The following PRDM10 variants were observed in gnomAD, a reference collection of about 807,000 sequenced individuals.
PRDM10 encodes the protein PR domain zinc finger protein 10.
A neutral mutation model predicts 133.1 loss-of-function variants in PRDM10; 65 were observed. The observed-to-expected ratio is 0.49, with a 90% confidence interval of 0.40 to 0.60. The LOEUF (loss-of-function observed/expected upper bound fraction) is 0.60. Among genes scored for constraint, PRDM10 ranks in the 20% least tolerant of loss-of-function variants. PRDM10 has a pLI of 0.00. For missense variants in PRDM10, 1,137 were observed against 1,507.1 expected (o/e 0.75, Z 4.07); for synonymous variants, 582 against 580.4 (o/e 1.00, Z -0.04).
chr11:129,946,851 G>A (rs868524679), intron 5 of PRDM10, among the ~76,000 whole-genome samples: 3 of 152,162 alleles, frequency 2.0e-5, no homozygotes, highest in Admixed American at 1.3e-4. Flanking sequence ...CTGAAGCTCT[G>A]GTGTGAGAGA....
chr11:129,974,749 A>G (rs1339331609), intron 1 of PRDM10, among the ~76,000 whole-genome samples: 2 of 152,218 alleles, frequency 1.3e-5, no homozygotes, highest in Non-Finnish European at 2.9e-5. Context: ...AGTACCCGAT[A>G]TGCTGCTCTT....
chr11:129,950,005 G>A (rs1951541670), intron 4 of PRDM10, among the ~76,000 whole-genome samples: 1 of 148,400 alleles, frequency 6.7e-6, no homozygotes. Context: ...CGAGGTTGAG[G>A]CAGGAGGATT....
chr11:129,933,879 T>G (rs1565475223), intron 9 of PRDM10, among the ~76,000 whole-genome samples: 1 of 152,132 alleles, frequency 6.6e-6, no homozygotes, highest in Non-Finnish European at 1.5e-5. Context: ...GCCAATCCCA[T>G]GCACTGCCCA....
rs528912868 is a variant in PRDM10, at chr11:129,982,629, A to G, written c.-119+20093T>C. ...TGGTTTCTGAATACTTTTCAATGGT[A>G]TTCAAACTGTATTTTCTTAATAATC... On this transcript the variant is annotated intron_variant, in intron 1 of 20. Coordinates refer to ENST00000360871, the MANE Select transcript of PRDM10 (RefSeq NM_199437.2). 2.6e-5 allele frequency among the ~76,000 whole-genome samples: 4 copies of G among 152,252 alleles called. No individual in the cohort carries two copies. The South Asian group carries it at 8.3e-4, about 32-fold the overall frequency.
chr11:129,912,528 G>A (rs962006695), intron 17 of PRDM10, among the ~76,000 whole-genome samples: 1 of 152,170 alleles, frequency 6.6e-6, no homozygotes, highest in Non-Finnish European at 1.5e-5. Context: ...AAGGCGGGTG[G>A]ATCACGAGGT....
intron 12 of PRDM10, among the ~76,000 whole-genome samples, chr11:129,924,227 A>G (rs1950608055): frequency 6.6e-6 from 1 of 152,248 alleles, no homozygotes; most frequent in Admixed American, 6.5e-5. Flanking sequence ...TCTCAACACT[A>G]GCAGAACTAA....
chr11:129,984,725 C>A (rs1023743554), intron 1 of PRDM10, among the ~76,000 whole-genome samples: 15 of 152,222 alleles, frequency 9.9e-5, no homozygotes, highest in African/African-American at 1.4e-4. Flanking sequence ...ACCTCTGCAA[C>A]CTCTTCTGGT....
rs560819270 is a variant in PRDM10 at position 129,912,021 on chromosome 11, T to C, written c.2982+64A>G. The C allele has an allele frequency of 1.0e-5, 15 of 1,457,672 alleles. No homozygotes were observed. The East Asian group carries it at 3.5e-4, about 34-fold the overall frequency. 90.3% of individuals were successfully genotyped at this position (1,457,672 alleles called of 1,614,324 possible). Reference sequence around the variant, plus strand: ...AGGTCTGAAGAGAATGTCTTCCCTCTCATTAACTCTGATAATCCCTGAAGC... The same window carrying C: ...AGGTCTGAAGAGAATGTCTTCCCTCCCATTAACTCTGATAATCCCTGAAGC... On this transcript the variant is annotated intron_variant, in intron 18 of 20. Coordinates refer to ENST00000360871, the MANE Select transcript of PRDM10 (RefSeq NM_199437.2).
intron 4 of PRDM10, among the ~76,000 whole-genome samples, chr11:129,952,252 C>A (rs1384555065): frequency 1.3e-5 from 2 of 152,106 alleles, no homozygotes; most frequent in African/African-American, 4.8e-5. Flanking sequence ...AAAACTATCC[C>A]TTAATATTAA....
chr11:129,947,205 C>T lies in PRDM10; in HGVS notation c.460G>A (p.Asp154Asn), dbSNP rs1951445582. The T allele has an allele frequency of 6.2e-7, 1 of 1,614,016 alleles. No homozygotes were observed. Among genetic ancestry groups the T allele is most frequent in the African/African-American group, 1.3e-5 (1 of 74,926 alleles). The change falls in exon 5 of 21, where the codon GAC becomes AAC. Residue 154 changes from aspartate to asparagine, a missense_variant. Physicochemically the swap from Asp to Asn is conservative, Grantham distance 23. Coordinates refer to ENST00000360871, the MANE Select transcript of PRDM10 (RefSeq NM_199437.2). The surrounding 1 kb of genome is among the most constrained non-coding windows in gnomAD (Gnocchi z 4.6). ...GGCTCCCAGTCATCCAGATCCGTGT[C>T]CTCACCGTCTTCTTCCTCATCTTCC... ...TEEDEEEDGEDTDLDDWEPDP... is the reference protein window; with the variant it reads ...TEEDEEEDGENTDLDDWEPDP...
At chr11:129,956,287 G>C (rs1428818947) in intron 3 of PRDM10, among the ~76,000 whole-genome samples, 1 of 152,176 alleles carries the variant, frequency 6.6e-6, no homozygotes, top group African/African-American at 2.4e-5. Context: ...TAAAAATCTG[G>C]CTGGGCGCGG....
chr11:129,923,498 T>A lies in PRDM10; in HGVS notation c.1879-95A>T. ...CAACGCTAGAGGGAGCCAAACGCAT[T>A]ACCATGGGTTTTCATCAACCCCGCC... On this transcript the variant is annotated intron_variant, in intron 12 of 20. Transcript: ENST00000360871. This position sits in a 1 kb window ranked among gnomAD's most constrained non-coding sequence, Gnocchi z 4.4. 7.5e-7 allele frequency: 1 copy of A among 1,341,798 alleles called. No homozygotes were observed. The highest frequency in any genetic ancestry group is 9.9e-7 in the Non-Finnish European group (1 of 1,006,814). 83.1% of individuals were successfully genotyped at this position (1,341,798 alleles called of 1,614,324 possible).
intron 9 of PRDM10, among the ~76,000 whole-genome samples, chr11:129,933,992 C>T (rs1016669417): frequency 2.0e-5 from 3 of 152,216 alleles, no homozygotes; most frequent in African/African-American, 4.8e-5. Flanking sequence ...CCGGTGCTTT[C>T]GTGCAGCTCT....
rs780084767 is a variant in PRDM10 at position 129,957,866 on chromosome 11, A to G, written c.114T>C (p.Tyr38=). 17 of 1,613,938 alleles carry G rather than the reference A, an allele frequency of 1.1e-5. No individual in the cohort carries two copies. Among genetic ancestry groups the G allele is most frequent in the Non-Finnish European group, 1.4e-5 (17 of 1,179,966 alleles). Reference sequence around the variant, plus strand: ...GTGGGGGGCGAACCTGGTCATCGGTATAGACAATCTGAGCCACTGTTCCTG... The same window carrying G: ...GTGGGGGGCGAACCTGGTCATCGGTGTAGACAATCTGAGCCACTGTTCCTG... ...PDTGTVAQIV[Y]TDDQVRPPQQ... The change falls in exon 3 of 21, where the codon TAT becomes TAC. Residue 38 remains tyrosine, a synonymous_variant. Coordinates refer to ENST00000360871, the MANE Select transcript of PRDM10 (RefSeq NM_199437.2).
At chr11:129,909,982 T>C (rs1047902656) in intron 19 of PRDM10, among the ~76,000 whole-genome samples, 8 of 152,218 alleles carry the variant, frequency 5.3e-5, no homozygotes, top group Non-Finnish European at 8.8e-5. Flanking sequence ...CAAATAACAA[T>C]TGTACTTATC....
intron 8 of PRDM10, 96 bp from the exon 9 acceptor site, chr11:129,935,314 G>A: frequency 1.1e-6 from 1 of 889,740 alleles, no homozygotes; most frequent in Non-Finnish European, 1.9e-6. Flanking sequence ...TCTTGCTGCA[G>A]CCCAAAGAGT....
chr11:129,988,787 A>G (rs535527813), intron 1 of PRDM10, among the ~76,000 whole-genome samples: 42 of 151,388 alleles, frequency 2.8e-4, no homozygotes, highest in South Asian at 1.7e-3. Context: ...CCGCCACCAC[A>G]CCCAGCTAAT....
intron 1 of PRDM10, among the ~76,000 whole-genome samples, chr11:129,991,817 CAA>C (rs71057994): frequency 1.8e-4 from 17 of 94,240 alleles, no homozygotes; most frequent in Admixed American, 3.4e-4. Context: ...GACTCCATCT[CAA>C]AAAAAAAAAA....
chr11:129,960,517 C>T (rs1951776229), intron 2 of PRDM10, among the ~76,000 whole-genome samples: 1 of 152,186 alleles, frequency 6.6e-6, no homozygotes, highest in African/African-American at 2.4e-5. Context: ...GAAAAGGCCA[C>T]TCACTTTATA....
Sources: gnomAD v4.1 joint callset for allele counts (sites outside exome capture counted in the v4.1 genomes callset) on GRCh38, gnomAD v4.1.1 for gene constraint, Gnocchi (gnomAD v3.1) non-coding constraint, MANE v1.5 for transcripts, NCBI Gene and HGNC (gene_info 2026-07-23, HGNC 2026-07-21) for gene names.